Variants in GHR observed in about 807,000 individuals in gnomAD.
GHR encodes the protein growth hormone receptor.
In GHR, 35 loss-of-function variants were observed where a neutral mutation model predicts 67.1. That is an observed-to-expected ratio of 0.52 (90% CI 0.40 to 0.69). The LOEUF (loss-of-function observed/expected upper bound fraction) is 0.69. GHR is among the 30% of genes least tolerant of loss of function. The pLI is 0.00. For synonymous variants in GHR, 272 were observed against 269.1 expected, an observed-to-expected ratio of 1.01 and a Z score of -0.10; for missense variants, 792 against 764.6, an observed-to-expected ratio of 1.04 and a Z score of -0.42.
chr5:42,476,968 G>A (rs944896797), intron 1 of GHR, among the ~76,000 whole-genome samples: 1 of 151,796 alleles, frequency 6.6e-6, no homozygotes, highest in Non-Finnish European at 1.5e-5. Context: ...TGCCATGTTG[G>A]TGTGCTGCAC....
At chr5:42,485,587 G>A (rs779238380) in intron 1 of GHR, among the ~76,000 whole-genome samples, 16 of 152,158 alleles carry the variant, frequency 1.1e-4, no homozygotes, top group Non-Finnish European at 2.2e-4. Context: ...GGTGACTTTT[G>A]TTCTAGTGTG....
At chr5:42,610,300 T>C (rs1752830375) in intron 2 of GHR, among the ~76,000 whole-genome samples, 1 of 152,126 alleles carries the variant, frequency 6.6e-6, no homozygotes, top group East Asian at 1.9e-4. Context: ...TCTAAGTCCT[T>C]GAGACTCTCT....
chr5:42,663,249 C>A (rs1755752074), intron 3 of GHR, among the ~76,000 whole-genome samples: 1 of 152,182 alleles, frequency 6.6e-6, no homozygotes, highest in Admixed American at 6.5e-5. Flanking sequence ...TTTTATGAGG[C>A]CAGCATCATC....
intron 1 of GHR, among the ~76,000 whole-genome samples, chr5:42,425,817 C>CT (rs1198276216): frequency 6.6e-5 from 10 of 151,898 alleles, no homozygotes; most frequent in Non-Finnish European, 1.0e-4. Context: ...CAACATTTAG[C>CT]TTTTTTTTAT....
chr5:42,428,366 C>T (rs776992748), intron 1 of GHR, among the ~76,000 whole-genome samples: 21 of 152,114 alleles, frequency 1.4e-4, no homozygotes, highest in Non-Finnish European at 2.6e-4. Context: ...CCTAGCAGGC[C>T]CAGAAAACCA....
intron 3 of GHR, among the ~76,000 whole-genome samples, chr5:42,632,374 A>G (rs1322872641): frequency 1.3e-5 from 2 of 152,232 alleles, no homozygotes; most frequent in African/African-American, 2.4e-5. Flanking sequence ...GGTCTGAGAG[A>G]GGTCATGATA....
At chr5:42,560,916 C>T (rs765646831) in intron 1 of GHR, among the ~76,000 whole-genome samples, 5 of 152,104 alleles carry the variant, frequency 3.3e-5, no homozygotes, top group South Asian at 2.1e-4. Context: ...TCATGAAGGG[C>T]GGCTGTACCC....
chr5:42,561,046 C>T (rs979050277), intron 1 of GHR, among the ~76,000 whole-genome samples: 1 of 152,168 alleles, frequency 6.6e-6, no homozygotes, highest in Non-Finnish European at 1.5e-5. Context: ...TGAATTTGAA[C>T]CTTGTTCTCT....
intron 2 of GHR, among the ~76,000 whole-genome samples, chr5:42,596,009 A>C (rs1458103650): frequency 6.6e-6 from 1 of 152,256 alleles, no homozygotes; most frequent in Non-Finnish European, 1.5e-5. Context: ...ATAAATTAGA[A>C]GGGAGAAAAT....
intron 3 of GHR, among the ~76,000 whole-genome samples, chr5:42,679,198 TAAC>T (rs1756731447): frequency 6.8e-6 from 1 of 146,192 alleles, no homozygotes; most frequent in South Asian, 2.1e-4. Context: ...TATATATTAA[TAAC>T]ATACTATTAT....
At chr5:42,546,735 G>A (rs1748748641) in intron 1 of GHR, among the ~76,000 whole-genome samples, 1 of 152,208 alleles carries the variant, frequency 6.6e-6, no homozygotes, top group Non-Finnish European at 1.5e-5. Context: ...GTGAGAGAGA[G>A]AGACTGAAAG....
chr5:42,585,568 A>G (rs1751432448), intron 2 of GHR, among the ~76,000 whole-genome samples: 1 of 152,242 alleles, frequency 6.6e-6, no homozygotes, highest in Non-Finnish European at 1.5e-5. Context: ...TTTAAGAAGT[A>G]CAGCCACACA....
At chr5:42,596,772 AAGCACTT>A (rs1752092548) in intron 2 of GHR, among the ~76,000 whole-genome samples, 1 of 152,202 alleles carries the variant, frequency 6.6e-6, no homozygotes, top group South Asian at 2.1e-4. Flanking sequence ...AACTCTTCCA[AAGCACTT>A]AGCAGGAAGC....
rs566641561 is a variant in GHR, at chr5:42,707,580, A to C, written c.619-3627A>C. Among the ~76,000 whole-genome samples the C allele has an allele frequency of 3.3e-5, 5 of 152,036 alleles. No homozygotes were observed. The South Asian group carries it at 8.3e-4, about 25-fold the overall frequency. ...CATCTTAACAATATTGATTCTTCTA[A>C]TCCATAAGCATGGAATGTTTTTCCA... On this transcript the variant is annotated intron_variant, in intron 6 of 9. Transcript: ENST00000230882.
chr5:42,534,803 C>T (rs181557926), intron 1 of GHR, among the ~76,000 whole-genome samples: 132 of 152,070 alleles, frequency 8.7e-4, no homozygotes, highest in Middle Eastern at 3.4e-3. Context: ...CCCTGATCAC[C>T]GCATTCATGC....
chr5:42,581,672 C>T (rs922464956), intron 2 of GHR, among the ~76,000 whole-genome samples: 7 of 152,180 alleles, frequency 4.6e-5, no homozygotes, highest in African/African-American at 7.2e-5. Context: ...ATGGCAGCAG[C>T]GGCCCATCTG....
intron 1 of GHR, among the ~76,000 whole-genome samples, chr5:42,450,776 G>C (rs1007105981): frequency 6.6e-6 from 1 of 151,984 alleles, no homozygotes; most frequent in African/African-American, 2.4e-5. Context: ...TTAAAACTAT[G>C]AAATTTCCTC....
intron 7 of GHR, among the ~76,000 whole-genome samples, chr5:42,712,521 A>G (rs1413478814): frequency 6.6e-6 from 1 of 152,122 alleles, no homozygotes; most frequent in African/African-American, 2.4e-5. Flanking sequence ...TCCCCCACCA[A>G]TTCTTTAAAA....
intron 1 of GHR, among the ~76,000 whole-genome samples, chr5:42,557,740 C>G (rs943294779): frequency 6.6e-6 from 1 of 152,210 alleles, no homozygotes; most frequent in East Asian, 1.9e-4. Context: ...TGTCTCCTGA[C>G]CTGGGAAAAT....
Sources: gnomAD v4.1 joint callset for allele counts (sites outside exome capture counted in the v4.1 genomes callset) on GRCh38, gnomAD v4.1.1 for gene constraint, MANE v1.5 for transcripts, NCBI Gene and HGNC (gene_info 2026-07-23, HGNC 2026-07-21) for gene names.